The following LRMDA variants were observed in gnomAD, a reference collection of about 807,000 sequenced individuals.
LRMDA encodes the protein leucine-rich melanocyte differentiation-associated protein.
Under a neutral mutation model 29.8 loss-of-function variants are expected in LRMDA, and 18 were observed. The ratio of observed to expected loss-of-function variants is 0.60; its 90% confidence interval spans 0.42 to 0.90. LRMDA has a LOEUF of 0.90. Ranked by LOEUF, LRMDA falls within the 40% of genes least tolerant of loss-of-function variation. The pLI is 0.00. For synonymous variants in LRMDA, 125 were observed against 109.4 expected (o/e 1.14, Z -0.89); for missense variants, 273 against 273.9 (o/e 1.00, Z 0.02).
At chr10:75,711,251 C>T (rs1216456077) in intron 2 of LRMDA, among the ~76,000 whole-genome samples, 1 of 152,134 alleles carries the variant, frequency 6.6e-6, no homozygotes, top group Non-Finnish European at 1.5e-5. Flanking sequence ...CTAATGGCTA[C>T]TTTTAAATCC....
At chr10:76,484,947 A>G (rs1842767262) in intron 6 of LRMDA, among the ~76,000 whole-genome samples, 2 of 151,836 alleles carry the variant, frequency 1.3e-5, no homozygotes, top group South Asian at 4.1e-4. Context: ...TTTGTCTGAA[A>G]TTAAGGTATC....
At chr10:76,062,698 T>G (rs531630609) in intron 5 of LRMDA, among the ~76,000 whole-genome samples, 17 of 101,822 alleles carry the variant, frequency 1.7e-4, no homozygotes, top group African/African-American at 5.0e-4. Flanking sequence ...GTGTGTGTGT[T>G]ATTAGTTGAT....
Position 75,997,413 on chromosome 10 carries a change from C to T in LRMDA, c.132-38595C>T, listed in dbSNP as rs571348227. On this transcript the variant is annotated intron_variant, in intron 2 of 6. Coordinates refer to ENST00000611255, the MANE Select transcript of LRMDA (RefSeq NM_001305581.2). ...TATTGTTGAGTAACTAGGTTATTTTCAGTTGTTCCTTATTCTACTCGGTAT... is the reference window on the plus strand; with the variant it reads ...TATTGTTGAGTAACTAGGTTATTTTTAGTTGTTCCTTATTCTACTCGGTAT... Among the ~76,000 whole-genome samples, 4 of 151,010 alleles carry T rather than the reference C, an allele frequency of 2.6e-5. No homozygotes were observed. The East Asian group carries it at 7.8e-4, about 29-fold the overall frequency.
intron 2 of LRMDA, among the ~76,000 whole-genome samples, chr10:75,899,493 T>G (rs983794884): frequency 6.6e-6 from 1 of 152,224 alleles, no homozygotes; most frequent in Admixed American, 6.5e-5. Context: ...AGAGGTACAA[T>G]GTAAATGCAT....
intron 2 of LRMDA, among the ~76,000 whole-genome samples, chr10:75,743,211 A>T (rs1180136589): frequency 6.6e-6 from 1 of 152,000 alleles, no homozygotes; most frequent in Non-Finnish European, 1.5e-5. Context: ...AAGAAAAAAA[A>T]CTTTATCATC....
chr10:76,151,519 G>A (rs1490190204), intron 5 of LRMDA, among the ~76,000 whole-genome samples: 7 of 152,052 alleles, frequency 4.6e-5, no homozygotes, highest in South Asian at 2.1e-4. Flanking sequence ...GCTCTTGATC[G>A]TCGCCTGGCA....
chr10:75,433,713 T>C (rs890686209), intron 1 of LRMDA, among the ~76,000 whole-genome samples: 1 of 152,142 alleles, frequency 6.6e-6, no homozygotes, highest in African/African-American at 2.4e-5. Context: ...AAACTTCCCA[T>C]GAGCCCATAG....
At chr10:76,536,030 G>A (rs1047138076) in intron 6 of LRMDA, 1 of 152,092 alleles carries the variant, frequency 6.6e-6, no homozygotes, top group Admixed American at 6.6e-5. Flanking sequence ...ACCTGCCTTG[G>A]CCTCCCAAAG....
At chr10:75,840,303 C>T (rs2132300184) in intron 2 of LRMDA, among the ~76,000 whole-genome samples, 1 of 152,252 alleles carries the variant, frequency 6.6e-6, no homozygotes, top group Admixed American at 6.5e-5. Context: ...ACCTCATTTC[C>T]CAGTTTGTGA....
intron 6 of LRMDA, among the ~76,000 whole-genome samples, chr10:76,540,256 C>A (rs1382607937): frequency 6.6e-6 from 1 of 152,172 alleles, no homozygotes; most frequent in African/African-American, 2.4e-5. Context: ...TTCCATCTCC[C>A]AATTCATTCT....
chr10:75,584,374 G>C (rs555528744), intron 2 of LRMDA, among the ~76,000 whole-genome samples: 1 of 152,166 alleles, frequency 6.6e-6, no homozygotes, highest in South Asian at 2.1e-4. Flanking sequence ...TGCTCTCCAT[G>C]TATGTGTCTA....
At chr10:76,401,394 T>C (rs565442576) in intron 6 of LRMDA, among the ~76,000 whole-genome samples, 58 of 152,346 alleles carry the variant, frequency 3.8e-4, no homozygotes, top group African/African-American at 1.4e-3. Context: ...ATGGGCATCA[T>C]GCTTAGAAAG....
At chr10:76,334,698 G>A (rs1367527523) in intron 6 of LRMDA, among the ~76,000 whole-genome samples, 1 of 152,134 alleles carries the variant, frequency 6.6e-6, no homozygotes. Context: ...ACTTTATAAA[G>A]GGTGTGGTAT....
At chr10:76,081,179 C>T (rs1227543360) in intron 5 of LRMDA, among the ~76,000 whole-genome samples, 1 of 152,024 alleles carries the variant, frequency 6.6e-6, no homozygotes, top group African/African-American at 2.4e-5. Flanking sequence ...TTCTTTTTTT[C>T]CAATGAAAGT....
At chr10:76,531,671 G>A (rs1843235728) in intron 6 of LRMDA, among the ~76,000 whole-genome samples, 1 of 151,962 alleles carries the variant, frequency 6.6e-6, no homozygotes, top group Non-Finnish European at 1.5e-5. Flanking sequence ...TTTATATATT[G>A]CTGAATCTTA....
At position 75,442,247 on chromosome 10, in the gene LRMDA, T is replaced by C. The variant is rs77530948; in HGVS notation, c.131+3753T>C. 4.9e-3 allele frequency among the ~76,000 whole-genome samples: 751 copies of C among 152,364 alleles called. 10 individuals are homozygous for C. The highest frequency in any genetic ancestry group is 0.017 in the African/African-American group (720 of 41,594). On this transcript the variant is annotated intron_variant, in intron 2 of 6. Transcript: ENST00000611255. ...TGAAGCTAATTAACATATCCCTTAC[T>C]TCACACAGTTCCCTTTTTTGTATGA...
intron 2 of LRMDA, among the ~76,000 whole-genome samples, chr10:75,515,002 TA>T (rs895310202): frequency 4.0e-5 from 6 of 150,898 alleles, no homozygotes; most frequent in Admixed American, 6.6e-5. Context: ...AACTGATGAA[TA>T]AAAAAAAATG....
chr10:75,476,415 T>C (rs540522668), intron 2 of LRMDA, among the ~76,000 whole-genome samples: 1 of 152,230 alleles, frequency 6.6e-6, no homozygotes, highest in Non-Finnish European at 1.5e-5. Context: ...TCCTTAAATT[T>C]GTTCTTGTCT....
chr10:75,988,029 A>G (rs546479940), intron 2 of LRMDA, among the ~76,000 whole-genome samples: 113 of 152,304 alleles, frequency 7.4e-4, no homozygotes, highest in Admixed American at 3.3e-3. Context: ...TGTTTCGTTT[A>G]AAAGCAGCTG....
Sources: gnomAD v4.1 joint callset for allele counts (sites outside exome capture counted in the v4.1 genomes callset) on GRCh38, gnomAD v4.1.1 for gene constraint, MANE v1.5 for transcripts, NCBI Gene and HGNC (gene_info 2026-07-23, HGNC 2026-07-21) for gene names.